The following IQSEC3 variants were observed in gnomAD, a reference collection of about 807,000 sequenced individuals.
IQSEC3 encodes IQ motif and Sec7 domain ArfGEF 3, also known as IQ motif and SEC7 domain-containing protein 3.
IQSEC3 carries 50 observed loss-of-function variants against 105.4 expected under a neutral mutation model. That is an observed-to-expected ratio of 0.47 (90% CI 0.38 to 0.60). The LOEUF is 0.60. IQSEC3 is among the 20% of genes least tolerant of loss of function. IQSEC3 has a pLI of 0.00. For synonymous variants in IQSEC3, 708 were observed against 746.0 expected, an observed-to-expected ratio of 0.95 and a Z score of 0.83; for missense variants, 1,415 against 1,630.0, an observed-to-expected ratio of 0.87 and a Z score of 2.27.
At position 174,669 on chromosome 12, in the gene IQSEC3, T is replaced by G; in HGVS notation, c.3185T>G (p.Val1062Gly). The change falls in exon 14 of 14, where the codon GTG becomes GGG. Residue 1062 changes from valine to glycine, a missense_variant. Transcript: ENST00000538872. ...SGLGAERGAPVPPPDLQPSPP... is the reference protein window; with the variant it reads ...SGLGAERGAPGPPPDLQPSPP... ...CTGGGGGCCGAGAGGGGAGCGCCGGTGCCGCCGCCAGACCTGCAGCCTAGC... is the reference window on the plus strand; with the variant it reads ...CTGGGGGCCGAGAGGGGAGCGCCGGGGCCGCCGCCAGACCTGCAGCCTAGC... 6.3e-7 allele frequency: 1 copy of G among 1,589,852 alleles called. No homozygotes were observed. Among genetic ancestry groups the G allele is most frequent in the Non-Finnish European group, 8.5e-7 (1 of 1,175,350 alleles).
intron 7 of IQSEC3, among the ~76,000 whole-genome samples, chr12:160,430 A>G (rs1194710603): frequency 2.0e-5 from 3 of 152,152 alleles, no homozygotes; most frequent in African/African-American, 7.2e-5. Flanking sequence ...CAGAAGATAA[A>G]TGTTCAATCT....
intron 1 of IQSEC3, among the ~76,000 whole-genome samples, chr12:80,813 G>A (rs1426123118): frequency 6.6e-6 from 1 of 152,224 alleles, no homozygotes; most frequent in Non-Finnish European, 1.5e-5. Flanking sequence ...TGGGGAGACA[G>A]CACCTGAGCA....
At chr12:156,952 A>AGAGACAGGCTGG (rs1866708300) in intron 5 of IQSEC3, 73 bp from the exon 6 acceptor site, 1 of 1,427,022 alleles carries the variant, frequency 7.0e-7, no homozygotes, top group Non-Finnish European at 9.3e-7. Context: ...CTGGGAACAG[A>AGAGACAGGCTGG]GGCCAGCGAG....
intron 2 of IQSEC3, among the ~76,000 whole-genome samples, chr12:103,726 GA>G (rs1864526279): frequency 4.5e-5 from 1 of 22,030 alleles, no homozygotes; most frequent in African/African-American, 3.0e-4. Context: ...ACTCAGGAGG[GA>G]GAGGTGGAGT....
At chr12:131,022 CT>C (rs1291367771) in intron 3 of IQSEC3, among the ~76,000 whole-genome samples, 34 of 46,904 alleles carry the variant, frequency 7.2e-4, no homozygotes, top group African/African-American at 1.1e-3. Context: ...GCGGCTCTTC[CT>C]CCCCACACCT....
At chr12:140,275 TAC>T (rs547512880) in intron 4 of IQSEC3, 1 of 152,308 alleles carries the variant, frequency 6.6e-6, no homozygotes, top group Admixed American at 6.5e-5. Context: ...CAGCAGTATC[TAC>T]ACAGAGGTAT....
At chr12:156,922 G>A (rs1866707259) in intron 5 of IQSEC3, 103 bp from the exon 6 acceptor site, 1 of 1,328,538 alleles carries the variant, frequency 7.5e-7, no homozygotes, top group African/African-American at 1.5e-5. Context: ...GTAGCCTGAG[G>A]GGCCCTGCAC....
chr12:94,741 C>T (rs1032858844), intron 1 of IQSEC3, among the ~76,000 whole-genome samples: 2 of 152,230 alleles, frequency 1.3e-5, no homozygotes, highest in Non-Finnish European at 2.9e-5. Flanking sequence ...TGGCTCCTAA[C>T]CTTGGGAGGA....
intron 5 of IQSEC3, chr12:143,625 AGTGCTGGGGTGCCAGCGTTCATGCAGGG>A (rs1866129114): frequency 1.3e-5 from 2 of 150,460 alleles, no homozygotes; most frequent in Non-Finnish European, 2.6e-5. Context: ...CATGCAGGGC[AGTGCTGGGGTGCCAGCGTTCATGCAGGG>A]CAGTGCTGGG....
At chr12:127,533 A>T (rs1434472168) in intron 3 of IQSEC3, among the ~76,000 whole-genome samples, 3 of 151,996 alleles carry the variant, frequency 2.0e-5, no homozygotes, top group Admixed American at 6.6e-5. Flanking sequence ...AACAAAACAA[A>T]ACAAAAAACA....
At chr12:154,877 C>T (rs1866633683) in intron 5 of IQSEC3, among the ~76,000 whole-genome samples, 1 of 152,006 alleles carries the variant, frequency 6.6e-6, no homozygotes. Flanking sequence ...CCCTTTCTCT[C>T]CTTGCTCTCT....
chr12:69,220 T>C (rs1301815523), intron 1 of IQSEC3, among the ~76,000 whole-genome samples: 2 of 152,264 alleles, frequency 1.3e-5, no homozygotes, highest in Non-Finnish European at 2.9e-5. Flanking sequence ...TTTCTTTGCA[T>C]CTCTTCAGGG....
At chr12:104,649 G>C (rs979799982) in intron 2 of IQSEC3, among the ~76,000 whole-genome samples, 1 of 152,254 alleles carries the variant, frequency 6.6e-6, no homozygotes, top group Non-Finnish European at 1.5e-5. Context: ...ACTTCCTCCC[G>C]GGCCGCCCGC....
At chr12:168,691 G>A (rs1938806188) in intron 11 of IQSEC3, among the ~76,000 whole-genome samples, 1 of 152,036 alleles carries the variant, frequency 6.6e-6, no homozygotes, top group Non-Finnish European at 1.5e-5. Flanking sequence ...TGGGTAACTT[G>A]CCTAAAACCA....
In IQSEC3 at chr12:170,004, G is replaced by A. The variant is rs116591320; in HGVS notation, c.3064+899G>A. On this transcript the variant is annotated intron_variant, in intron 12 of 13. Transcript: ENST00000538872. ...GTGGGCCCCGTGTGGTCCATGACCCGCCACAGTCGGCCCTGAGTCCTGACT... is the reference window on the plus strand; with the variant it reads ...GTGGGCCCCGTGTGGTCCATGACCCACCACAGTCGGCCCTGAGTCCTGACT... Among the ~76,000 whole-genome samples the A allele has an allele frequency of 4.1e-4, 63 of 152,372 alleles. No individual in the cohort carries two copies. The East Asian group carries it at 8.1e-3, about 20-fold the overall frequency.
At chr12:78,166 C>G (rs1863617167) in intron 1 of IQSEC3, among the ~76,000 whole-genome samples, 1 of 151,052 alleles carries the variant, frequency 6.6e-6, no homozygotes, top group South Asian at 2.1e-4. Context: ...CCCACGGTGT[C>G]TGGGGCCTCC....
At chr12:124,779 G>T (rs1257900633) in intron 2 of IQSEC3, among the ~76,000 whole-genome samples, 1 of 152,220 alleles carries the variant, frequency 6.6e-6, no homozygotes, top group East Asian at 1.9e-4. Flanking sequence ...TTGGAGGCTA[G>T]TGGGGAAGGA....
intron 2 of IQSEC3, chr12:106,736 C>G (rs1864666649): frequency 6.6e-6 from 1 of 152,212 alleles, no homozygotes; most frequent in Non-Finnish European, 1.5e-5. Flanking sequence ...TTTCTCACTT[C>G]CAGGAAGAGT....
chr12:98,924 T>C (rs1864327418), intron 1 of IQSEC3, among the ~76,000 whole-genome samples: 1 of 152,056 alleles, frequency 6.6e-6, no homozygotes, highest in Non-Finnish European at 1.5e-5. Context: ...GGAGGTAGCA[T>C]CTGAATTGAG....
Sources: allele counts gnomAD v4.1 joint callset (sites outside exome capture counted in the v4.1 genomes callset), GRCh38; gene constraint gnomAD v4.1.1; transcripts MANE v1.5; gene names NCBI Gene and HGNC (gene_info 2026-07-23, HGNC 2026-07-21).